Variants in ANKRD31 observed in about 807,000 individuals in gnomAD.
ANKRD31 encodes the protein ankyrin repeat domain 31.
ANKRD31 carries 147 observed loss-of-function variants against 186.0 expected under a neutral mutation model. The ratio of observed to expected loss-of-function variants is 0.79; its 90% CI spans 0.69 to 0.91. The LOEUF (loss-of-function observed/expected upper bound fraction) is 0.91. ANKRD31 is among the 40% of genes least tolerant of loss of function. The pLI, the probability that ANKRD31 is intolerant of heterozygous loss-of-function variation, is 0.00. For missense variants in ANKRD31, 1,986 were observed against 2,148.8 expected (o/e 0.92, Z 1.50); for synonymous variants, 673 against 736.4 (o/e 0.91, Z 1.39).
At chr5:75,125,190 G>A (rs1339621719) in intron 17 of ANKRD31, among the ~76,000 whole-genome samples, 1 of 152,140 alleles carries the variant, frequency 6.6e-6, no homozygotes. Flanking sequence ...AGAGTGAAAA[G>A]ACAGCAGATA....
At chr5:75,206,613 T>G (rs1026854590) in intron 4 of ANKRD31, 126 bp from the exon 5 acceptor site, 4 of 380,978 alleles carry the variant, frequency 1.0e-5, no homozygotes, top group African/African-American at 8.3e-5. Context: ...TTTTGCTATA[T>G]CATTCCAATT....
chr5:75,149,826 C>T (rs1428279112), intron 12 of ANKRD31, among the ~76,000 whole-genome samples: 2 of 151,798 alleles, frequency 1.3e-5, no homozygotes, highest in African/African-American at 4.8e-5. Flanking sequence ...GACACTATAC[C>T]TTCTCCAAAC....
intron 2 of ANKRD31, among the ~76,000 whole-genome samples, chr5:75,227,985 C>T (rs1199986871): frequency 6.6e-6 from 1 of 152,172 alleles, no homozygotes; most frequent in Admixed American, 6.5e-5. Flanking sequence ...TGAAACCATA[C>T]CCCCAACCGC....
At chr5:75,172,077 CA>C (rs983899953) in intron 10 of ANKRD31, among the ~76,000 whole-genome samples, 2 of 151,654 alleles carry the variant, frequency 1.3e-5, no homozygotes, top group African/African-American at 4.8e-5. Flanking sequence ...TTATCCCCCT[CA>C]AAAAAATCAC....
chr5:75,095,357 C>T (rs143300165), intron 22 of ANKRD31, among the ~76,000 whole-genome samples: 574 of 152,120 alleles, frequency 3.8e-3, no homozygotes, highest in African/African-American at 0.013. Flanking sequence ...GCCTGTAGTC[C>T]CAGCTACTCA....
intron 3 of ANKRD31, 53 bp from the exon 4 acceptor site, chr5:75,210,918 A>C: frequency 8.2e-7 from 1 of 1,215,714 alleles, no homozygotes; most frequent in Non-Finnish European, 1.1e-6. Flanking sequence ...ATTCAATGCA[A>C]CAAGCTAAAA....
At chr5:75,120,301 T>C (rs1748656930) in intron 17 of ANKRD31, among the ~76,000 whole-genome samples, 1 of 152,078 alleles carries the variant, frequency 6.6e-6, no homozygotes, top group South Asian at 2.1e-4. Context: ...AGGTTGAAGC[T>C]GGAGGATTAC....
intron 2 of ANKRD31, among the ~76,000 whole-genome samples, chr5:75,227,386 AAATT>A (rs1757695065): frequency 6.6e-6 from 1 of 152,334 alleles, no homozygotes; most frequent in South Asian, 2.1e-4. Context: ...AGTATAGTCA[AAATT>A]AATTAATTGT....
chr5:75,131,606 T>C (rs991000563), intron 17 of ANKRD31, among the ~76,000 whole-genome samples: 5 of 152,248 alleles, frequency 3.3e-5, no homozygotes, highest in East Asian at 1.9e-4. Context: ...GAACAAACAA[T>C]GGCAGAAACT....
At chr5:75,095,909 C>T (rs1314441758) in intron 22 of ANKRD31, among the ~76,000 whole-genome samples, 1 of 152,054 alleles carries the variant, frequency 6.6e-6, no homozygotes, top group Non-Finnish European at 1.5e-5. Flanking sequence ...TAAGGGGGCA[C>T]TACTATATAG....
intron 22 of ANKRD31, among the ~76,000 whole-genome samples, chr5:75,103,992 T>A (rs530816366): frequency 1.3e-5 from 2 of 152,290 alleles, no homozygotes; most frequent in South Asian, 4.1e-4. Context: ...CCTGCACATG[T>A]ATCCTGGAAC....
chr5:75,095,678 T>C (rs1746266100), intron 22 of ANKRD31, among the ~76,000 whole-genome samples: 5 of 152,202 alleles, frequency 3.3e-5, no homozygotes, highest in Admixed American at 3.3e-4. Context: ...AGGCTTGGGT[T>C]TGAGTAATCT....
chr5:75,145,657 A>T (rs983386048), intron 14 of ANKRD31, among the ~76,000 whole-genome samples: 1 of 152,008 alleles, frequency 6.6e-6, no homozygotes. Flanking sequence ...GGTGCAGCAA[A>T]CCACCATGGC....
chr5:75,118,712 A>G (rs943283914), intron 17 of ANKRD31, among the ~76,000 whole-genome samples: 1 of 152,152 alleles, frequency 6.6e-6, no homozygotes, highest in Admixed American at 6.5e-5. Flanking sequence ...TTTTTTATTT[A>G]ATTAATTTAA....
intron 8 of ANKRD31, among the ~76,000 whole-genome samples, 191 bp from the exon 9 acceptor site, chr5:75,192,967 A>T (rs2150245015): frequency 6.6e-6 from 1 of 152,264 alleles, no homozygotes; most frequent in African/African-American, 2.4e-5. Flanking sequence ...CAGTCATCAC[A>T]GCTTCTAGCC....
Position 75,144,133 on chromosome 5 carries a change from T to C in ANKRD31, c.3463A>G (p.Thr1155Ala), listed in dbSNP as rs1243754575. 3 of 397,348 alleles carry C rather than the reference T, an allele frequency of 7.6e-6. No individual in the cohort carries two copies. In the East Asian group the frequency reaches 1.1e-4, roughly 14 times the overall value. The allele number at this position is 397,348 out of a possible 1,614,324, so 24.6% of individuals were successfully genotyped here. Residue 1155 changes from threonine to alanine, a missense_variant, in exon 15 of 26, where the codon ACT (threonine) becomes GCT (alanine). Physicochemically the swap from Thr to Ala is moderately conservative, Grantham distance 58. Coordinates refer to ENST00000506364, the MANE Select transcript of ANKRD31 (RefSeq NM_001372053.1). The part of the protein sequence containing the change: ...LTNNISGDEI[T>A]IRNCEEIKEK... Reference sequence around the variant, plus strand: ...TTTATCTCCTCACAATTTCTTATAGTTATTTCATCTCCACTGATGTTATTA... The same window carrying C: ...TTTATCTCCTCACAATTTCTTATAGCTATTTCATCTCCACTGATGTTATTA...
chr5:75,073,298 TAA>T (rs58075823), intron 25 of ANKRD31, among the ~76,000 whole-genome samples: 10 of 140,678 alleles, frequency 7.1e-5, no homozygotes, highest in Admixed American at 2.1e-4. Context: ...CTCCATCTCT[TAA>T]AAAAAAAAAA....
chr5:75,219,583 C>T (rs1227506334), intron 3 of ANKRD31, among the ~76,000 whole-genome samples: 2 of 152,090 alleles, frequency 1.3e-5, no homozygotes, highest in Non-Finnish European at 2.9e-5. Context: ...ATGGGCATAT[C>T]AACCAAAGCA....
At chr5:75,118,608 A>G (rs1748493498) in intron 17 of ANKRD31, among the ~76,000 whole-genome samples, 1 of 152,194 alleles carries the variant, frequency 6.6e-6, no homozygotes, top group African/African-American at 2.4e-5. Flanking sequence ...GTGATAATAA[A>G]ATGTTCTATA....
Sources: allele counts gnomAD v4.1 joint callset (sites outside exome capture counted in the v4.1 genomes callset), GRCh38; gene constraint gnomAD v4.1.1; transcripts MANE v1.5; gene names NCBI Gene and HGNC (gene_info 2026-07-23, HGNC 2026-07-21).